PPHLN1: variants seen among roughly 807,000 people sequenced by gnomAD.
PPHLN1 encodes periphilin-1.
Under a neutral mutation model 51.3 loss-of-function variants are expected in PPHLN1, and 29 were observed. That is an observed-to-expected ratio of 0.57 (90% CI 0.42 to 0.77). The LOEUF (loss-of-function observed/expected upper bound fraction) is 0.77. PPHLN1 is among the 30% of genes least tolerant of loss of function. PPHLN1 has a pLI of 0.00. For missense variants in PPHLN1, 436 were observed against 438.4 expected (o/e 0.99, Z 0.05); for synonymous variants, 147 against 147.8 (o/e 0.99, Z 0.04).
At chr12:42,446,664 A>C (rs202001229), downstream of PPHLN1, 135 of 1,579,642 alleles carry the variant, frequency 8.5e-5, 1 homozygote, top group African/African-American at 1.4e-3. Context: ...TGTACTCGTC[A>C]ATCAACAAAA....
chr12:42,422,379 A>G (rs549224577), intron 9 of PPHLN1, among the ~76,000 whole-genome samples: 2 of 152,292 alleles, frequency 1.3e-5, no homozygotes, highest in East Asian at 3.9e-4. Flanking sequence ...ATTTCTGTCT[A>G]TGTTGTATCT....
downstream of PPHLN1, chr12:42,446,158 AG>A: frequency 6.2e-7 from 1 of 1,603,164 alleles, no homozygotes; most frequent in Non-Finnish European, 8.5e-7. Context: ...CAGGAGCCCC[AG>A]ACATTACCTG....
intron 9 of PPHLN1, among the ~76,000 whole-genome samples, chr12:42,401,321 A>G (rs1390867641): frequency 2.6e-5 from 4 of 152,228 alleles, no homozygotes. Context: ...TGAGAAAAGA[A>G]CAAGTACCAT....
intron 9 of PPHLN1, among the ~76,000 whole-genome samples, chr12:42,401,900 G>A (rs577704837): frequency 3.5e-4 from 53 of 152,164 alleles, no homozygotes; most frequent in African/African-American, 1.3e-3. Context: ...TGTCGCCCAT[G>A]CTGGAGTGCA....
intron 9 of PPHLN1, among the ~76,000 whole-genome samples, chr12:42,440,918 G>T (rs774777051): frequency 9.2e-5 from 14 of 152,190 alleles, no homozygotes; most frequent in Admixed American, 7.2e-4. Context: ...TTCAAACAAA[G>T]AATCTAAAGT....
chr12:42,422,228 C>T (rs1435504713), intron 9 of PPHLN1, among the ~76,000 whole-genome samples: 2 of 152,110 alleles, frequency 1.3e-5, no homozygotes, highest in Admixed American at 1.3e-4. Flanking sequence ...CTTTTAAATA[C>T]TACAACACAA....
downstream of PPHLN1, chr12:42,446,178 T>A: frequency 6.2e-7 from 1 of 1,610,518 alleles, no homozygotes; most frequent in Non-Finnish European, 8.5e-7. Context: ...TGGGGGATGC[T>A]GAAGAAGACA....
chr12:42,389,547 G>A (rs1212078043), intron 7 of PPHLN1, among the ~76,000 whole-genome samples: 3 of 152,288 alleles, frequency 2.0e-5, no homozygotes, highest in South Asian at 2.1e-4. Flanking sequence ...GCGACAGAGC[G>A]AGACTCTGTC....
intron 2 of PPHLN1, among the ~76,000 whole-genome samples, chr12:42,348,240 A>G (rs984399796): frequency 2.1e-5 from 3 of 146,194 alleles, no homozygotes; most frequent in African/African-American, 7.7e-5. Flanking sequence ...CCTCCTGAGT[A>G]GCTGGCACTA....
chr12:42,393,751 G>T, intron 8 of PPHLN1, 62 bp downstream of exon 8: 1 of 1,474,748 alleles, frequency 6.8e-7, no homozygotes, highest in Middle Eastern at 1.8e-4. Flanking sequence ...TTTAAATTAT[G>T]GGCGAAAAAT....
rs558096444 is a variant in PPHLN1, at chr12:42,425,561, G to GT, written c.910-15747dup. ...GCCACCATGCTCAGTTAATTTTTGT[G>GT]TTTTTTTAGTAGAGATGAGGTTTCA... On this transcript the variant is annotated intron_variant, in intron 9 of 9. Coordinates refer to ENST00000358314, the MANE Select transcript of PPHLN1 (RefSeq NM_201439.2). Among the ~76,000 whole-genome samples, 172 of 147,878 alleles carry GT rather than the reference G, an allele frequency of 1.2e-3. 1 individual carries two copies. In the South Asian group the frequency reaches 0.03, roughly 25 times the overall value.
intron 9 of PPHLN1, among the ~76,000 whole-genome samples, chr12:42,416,628 T>C (rs2080411066): frequency 6.6e-6 from 1 of 152,212 alleles, no homozygotes; most frequent in African/African-American, 2.4e-5. Flanking sequence ...AGTTTTATTA[T>C]AAAGGGTGCA....
chr12:42,439,851 T>G (rs2082797116), intron 9 of PPHLN1, among the ~76,000 whole-genome samples: 1 of 152,188 alleles, frequency 6.6e-6, no homozygotes, highest in Non-Finnish European at 1.5e-5. Context: ...GTGTCAGTCT[T>G]TTGACTTTTT....
At chr12:42,339,324 CCTT>C (rs2071144950) in intron 2 of PPHLN1, among the ~76,000 whole-genome samples, 1 of 152,132 alleles carries the variant, frequency 6.6e-6, no homozygotes, top group African/African-American at 2.4e-5. Flanking sequence ...TTATACAAAT[CCTT>C]CTTTCTGTAT....
At chr12:42,397,726 A>T (rs1046564729) in intron 8 of PPHLN1, among the ~76,000 whole-genome samples, 5 of 148,020 alleles carry the variant, frequency 3.4e-5, no homozygotes, top group African/African-American at 5.1e-5. Flanking sequence ...AAACTTCTTT[A>T]AAAAAAAAAC....
chr12:42,355,101 T>C, intron 3 of PPHLN1, 60 bp from the exon 4 acceptor site: 2 of 1,482,624 alleles, frequency 1.3e-6, no homozygotes, highest in East Asian at 4.5e-5. Context: ...TATTGTTAGA[T>C]ATGTCCCACT....
At chr12:42,383,813 T>C (rs2076955238) in intron 5 of PPHLN1, among the ~76,000 whole-genome samples, 1 of 151,372 alleles carries the variant, frequency 6.6e-6, no homozygotes, top group Non-Finnish European at 1.5e-5. Flanking sequence ...ACCTCGTCTC[T>C]ACTAAAAAAT....
intron 4 of PPHLN1, among the ~76,000 whole-genome samples, chr12:42,363,794 T>C (rs896292352): frequency 2.0e-5 from 3 of 152,212 alleles, no homozygotes; most frequent in Admixed American, 6.5e-5. Context: ...AACATACTTA[T>C]AGATGAAATT....
chr12:42,414,569 A>G (rs1298125045), intron 9 of PPHLN1, among the ~76,000 whole-genome samples: 1 of 152,012 alleles, frequency 6.6e-6, no homozygotes, highest in Admixed American at 6.6e-5. Context: ...TCTTGATTTG[A>G]TTCTCAGCTT....
Sources: gnomAD v4.1 joint callset for allele counts (sites outside exome capture counted in the v4.1 genomes callset) on GRCh38, gnomAD v4.1.1 for gene constraint, MANE v1.5 for transcripts, NCBI Gene and HGNC (gene_info 2026-07-23, HGNC 2026-07-21) for gene names.